The following EPN2 variants were observed in gnomAD, a reference collection of about 807,000 sequenced individuals.
EPN2 encodes the protein epsin-2.
Under a neutral mutation model 61.7 loss-of-function variants are expected in EPN2, and 34 were observed. The observed-to-expected ratio is 0.55, with a 90% CI of 0.42 to 0.73. The LOEUF is 0.73. Ranked by LOEUF, EPN2 falls within the 30% of genes least tolerant of loss-of-function variation. EPN2 has a pLI of 0.00. For synonymous variants in EPN2, 349 were observed against 353.6 expected (o/e 0.99, Z 0.15); for missense variants, 714 against 839.2 (o/e 0.85, Z 1.84).
intron 1 of EPN2, among the ~76,000 whole-genome samples, chr17:19,243,162 C>T (rs899202650): frequency 6.6e-6 from 1 of 151,456 alleles, no homozygotes; most frequent in Admixed American, 6.6e-5. Context: ...TTGCTGAACA[C>T]GTGGCTGGGG....
chr17:19,261,715 A>G (rs1344066392), intron 1 of EPN2, among the ~76,000 whole-genome samples: 1 of 152,204 alleles, frequency 6.6e-6, no homozygotes, highest in Non-Finnish European at 1.5e-5. Flanking sequence ...GTGTATCAGG[A>G]TGGGCTACAT....
At chr17:19,288,054 G>A (rs1282062906) in intron 4 of EPN2, among the ~76,000 whole-genome samples, 2 of 152,212 alleles carry the variant, frequency 1.3e-5, no homozygotes, top group Admixed American at 6.5e-5. Context: ...CCCTGGTCCT[G>A]AGTCTCAGCC....
rs549672785 is a variant in EPN2, at chr17:19,268,777, C to T, written c.-293-13178C>T. Reference sequence around the variant, plus strand: ...GCACATGGTTAAATATTGGCATGATCACATGGTACACAGCGGTGACAGTGG... The same window carrying T: ...GCACATGGTTAAATATTGGCATGATTACATGGTACACAGCGGTGACAGTGG... On this transcript the variant is annotated intron_variant, in intron 1 of 10. Transcript: ENST00000314728. 2.6e-5 allele frequency among the ~76,000 whole-genome samples: 4 copies of T among 152,262 alleles called. No homozygotes were observed. The South Asian group carries it at 8.3e-4, about 32-fold the overall frequency.
intron 4 of EPN2, among the ~76,000 whole-genome samples, chr17:19,305,356 C>G (rs1905784504): frequency 6.6e-6 from 1 of 152,102 alleles, no homozygotes; most frequent in Non-Finnish European, 1.5e-5. Context: ...CTCCTGGCCT[C>G]AAGTGATCCA....
At chr17:19,238,499 C>G (rs767017462) in intron 1 of EPN2, among the ~76,000 whole-genome samples, 2 of 152,176 alleles carry the variant, frequency 1.3e-5, no homozygotes, top group African/African-American at 4.8e-5. Flanking sequence ...GTCTGGGCGA[C>G]TCCTTCACAG....
At chr17:19,288,126 C>G (rs1022582613) in intron 4 of EPN2, among the ~76,000 whole-genome samples, 9 of 152,226 alleles carry the variant, frequency 5.9e-5, no homozygotes, top group Non-Finnish European at 1.0e-4. Context: ...ACCTCAGTTG[C>G]TTCCACCAGC....
chr17:19,238,865 A>G (rs377292548), intron 1 of EPN2, among the ~76,000 whole-genome samples: 2 of 152,214 alleles, frequency 1.3e-5, no homozygotes, highest in African/African-American at 4.8e-5. Context: ...AAATGATGGG[A>G]AAAGGTGAAT....
At chr17:19,307,886 G>C (rs1905929354) in intron 4 of EPN2, 4 of 985,062 alleles carry the variant, frequency 4.1e-6, no homozygotes, top group Non-Finnish European at 4.8e-6. Context: ...CCATGGCCCA[G>C]CTATCTGAAA....
At chr17:19,281,397 T>A (rs566281720) in intron 1 of EPN2, among the ~76,000 whole-genome samples, 47 of 152,348 alleles carry the variant, frequency 3.1e-4, no homozygotes, top group African/African-American at 1.1e-3. Context: ...GAAGACCAAA[T>A]ACATATTTCA....
intron 1 of EPN2, among the ~76,000 whole-genome samples, chr17:19,249,212 A>G (rs1328435600): frequency 6.6e-6 from 1 of 152,214 alleles, no homozygotes; most frequent in African/African-American, 2.4e-5. Flanking sequence ...TGGGGAGCTA[A>G]AAAGAGCCCA....
chr17:19,298,240 G>T (rs1203589788), intron 4 of EPN2, among the ~76,000 whole-genome samples: 3 of 151,942 alleles, frequency 2.0e-5, no homozygotes, highest in Non-Finnish European at 2.9e-5. Flanking sequence ...TGTTGTCCAG[G>T]CTGGAGTGCA....
intron 1 of EPN2, among the ~76,000 whole-genome samples, chr17:19,262,181 C>T (rs1004373295): frequency 4.9e-5 from 7 of 141,588 alleles, no homozygotes; most frequent in African/African-American, 1.9e-4. Context: ...AGCAAGACTC[C>T]ATCTAAAAAA....
At chr17:19,250,639 C>G (rs921571211) in intron 1 of EPN2, among the ~76,000 whole-genome samples, 1 of 152,118 alleles carries the variant, frequency 6.6e-6, no homozygotes, top group African/African-American at 2.4e-5. Context: ...GAGCCAGTGT[C>G]GGCGCCATCT....
At chr17:19,303,370 C>T (rs1905632421) in intron 4 of EPN2, among the ~76,000 whole-genome samples, 1 of 152,162 alleles carries the variant, frequency 6.6e-6, no homozygotes, top group Non-Finnish European at 1.5e-5. Context: ...ACCCCAGGAC[C>T]CCAGGCTGAG....
In EPN2 at chr17:19,318,355, C is replaced by T. The variant is rs188764804; in HGVS notation, c.1147+5076C>T. 5.3e-5 allele frequency among the ~76,000 whole-genome samples: 8 copies of T among 151,604 alleles called. No individual in the cohort carries two copies. In the East Asian group the frequency reaches 1.6e-3, roughly 30 times the overall value. The stretch of plus-strand genomic sequence containing the variant: ...ACGAGGTCAAGAGATCGAGACCATC[C>T]TTGGCCAACATGGTGAAACCCCATC... On this transcript the variant is annotated intron_variant, in intron 7 of 10. Transcript: ENST00000314728.
intron 4 of EPN2, among the ~76,000 whole-genome samples, chr17:19,307,051 CT>C (rs1198199093): frequency 6.6e-6 from 1 of 152,082 alleles, no homozygotes; most frequent in Non-Finnish European, 1.5e-5. Flanking sequence ...ATGGTGACAT[CT>C]TTTTGAACAT....
intron 4 of EPN2, among the ~76,000 whole-genome samples, chr17:19,289,724 G>GTTTTTTTTTGTTTTTTT (rs2045442571): frequency 1.3e-5 from 1 of 78,028 alleles, no homozygotes; most frequent in Admixed American, 1.9e-4. Flanking sequence ...GGCGCTCATG[G>GTTTTTTTTTGTTTTTTT]TTTTTTTTTT....
chr17:19,302,857 A>G (rs892656560), intron 4 of EPN2, among the ~76,000 whole-genome samples: 1 of 152,190 alleles, frequency 6.6e-6, no homozygotes, highest in East Asian at 1.9e-4. Flanking sequence ...ATCTGAGCCC[A>G]GGCATGGACT....
At chr17:19,287,106 C>T (rs572411879) in intron 4 of EPN2, among the ~76,000 whole-genome samples, 1 of 152,064 alleles carries the variant, frequency 6.6e-6, no homozygotes, top group African/African-American at 2.4e-5. Flanking sequence ...TTTCCTGGGA[C>T]GTTTGCATGT....
Sources: allele counts gnomAD v4.1 joint callset (sites outside exome capture counted in the v4.1 genomes callset), GRCh38; gene constraint gnomAD v4.1.1; transcripts MANE v1.5; gene names NCBI Gene and HGNC (gene_info 2026-07-23, HGNC 2026-07-21).